The following LINGO2 variants were observed in gnomAD, a reference collection of about 807,000 sequenced individuals.
LINGO2 encodes the protein leucine-rich repeat and immunoglobulin-like domain-containing nogo receptor-interacting protein 2.
LINGO2 carries 14 observed loss-of-function variants against 30.6 expected under a neutral mutation model. That is an observed-to-expected ratio of 0.46 (90% CI 0.30 to 0.72). The LOEUF is 0.72. LINGO2 is among the 30% of genes least tolerant of loss of function. LINGO2 has a pLI of 0.07. For synonymous variants in LINGO2, 317 were observed against 288.5 expected (o/e 1.10, Z -1.00); for missense variants, 729 against 751.7 (o/e 0.97, Z 0.35).
intron 4 of LINGO2, among the ~76,000 whole-genome samples, chr9:28,206,154 G>C (rs1328739601): frequency 1.9e-5 from 2 of 107,598 alleles, no homozygotes; most frequent in Admixed American, 1.3e-4. Context: ...GACAGAGTGA[G>C]ACCCTGTTTC....
At chr9:28,270,652 C>G (rs73429581) in intron 4 of LINGO2, among the ~76,000 whole-genome samples, 1 of 152,050 alleles carries the variant, frequency 6.6e-6, no homozygotes, top group East Asian at 1.9e-4. Flanking sequence ...CTGCAGATCA[C>G]GACTGAATAT....
At chr9:29,053,428 G>A in the LINGO2 span, among the ~76,000 whole-genome samples, 5 of 152,128 alleles carry the variant, frequency 3.3e-5, no homozygotes, top group African/African-American at 9.7e-5. Flanking sequence ...GGGGGAAGGG[G>A]GAGGGATAGC....
intron 3 of LINGO2, among the ~76,000 whole-genome samples, chr9:28,350,645 C>T (rs1175805498): frequency 5.3e-5 from 8 of 151,286 alleles, no homozygotes; most frequent in South Asian, 2.1e-4. Flanking sequence ...CTGCACCAAG[C>T]GGACCTAATA....
At chr9:29,119,281 A>T in the LINGO2 span, among the ~76,000 whole-genome samples, 4 of 152,188 alleles carry the variant, frequency 2.6e-5, no homozygotes, top group African/African-American at 9.7e-5. Flanking sequence ...AATTATTTGC[A>T]AACCATATAT....
intron 1 of LINGO2, among the ~76,000 whole-genome samples, chr9:28,616,888 C>A (rs1826152561): frequency 6.6e-6 from 1 of 152,156 alleles, no homozygotes; most frequent in Non-Finnish European, 1.5e-5. Context: ...AAAGCACATC[C>A]AAAAGACTCT....
the LINGO2 span, among the ~76,000 whole-genome samples, chr9:28,978,298 A>G: frequency 6.6e-6 from 1 of 152,096 alleles, no homozygotes; most frequent in Non-Finnish European, 1.5e-5. Flanking sequence ...CCTGGGGTGG[A>G]GTGAGAACAA....
At chr9:28,299,390 G>C (rs1255851061) in intron 3 of LINGO2, among the ~76,000 whole-genome samples, 3 of 151,858 alleles carry the variant, frequency 2.0e-5, no homozygotes, top group Non-Finnish European at 4.4e-5. Context: ...TTTTCTGTCA[G>C]TAATTTTAGG....
chr9:27,985,912 G>C (rs905339933), intron 5 of LINGO2, among the ~76,000 whole-genome samples: 7 of 151,946 alleles, frequency 4.6e-5, no homozygotes, highest in Admixed American at 4.6e-4. Flanking sequence ...CATTCTGATG[G>C]ACTGGAACTG....
chr9:28,551,985 T>G (rs2135505727), intron 1 of LINGO2, among the ~76,000 whole-genome samples: 1 of 152,244 alleles, frequency 6.6e-6, no homozygotes, highest in Non-Finnish European at 1.5e-5. Flanking sequence ...CTTTTTATTT[T>G]TTCAGTTTAT....
chr9:29,069,494 T>G, the LINGO2 span, among the ~76,000 whole-genome samples: 1 of 152,020 alleles, frequency 6.6e-6, no homozygotes, highest in Admixed American at 6.6e-5. Flanking sequence ...AGAATATTTA[T>G]AGTACACATC....
At chr9:29,003,191 G>T in the LINGO2 span, among the ~76,000 whole-genome samples, 2 of 151,994 alleles carry the variant, frequency 1.3e-5, no homozygotes, top group Admixed American at 6.6e-5. Context: ...CAGACATCTA[G>T]CCTCCAGAAC....
the LINGO2 span, among the ~76,000 whole-genome samples, chr9:29,017,576 T>C: frequency 6.6e-6 from 1 of 152,056 alleles, no homozygotes; most frequent in Non-Finnish European, 1.5e-5. Context: ...ACAAGGTGGC[T>C]AGTAAACACT....
the LINGO2 span, among the ~76,000 whole-genome samples, chr9:28,684,178 T>TTTC: frequency 1.7e-4 from 11 of 63,048 alleles, no homozygotes; most frequent in Non-Finnish European, 2.6e-4. Context: ...TGTTTATCTT[T>TTTC]TTTTTTTTTT....
intron 4 of LINGO2, among the ~76,000 whole-genome samples, chr9:28,047,986 CTG>C (rs146072784): frequency 0.015 from 2,211 of 150,392 alleles, 141 homozygotes; most frequent in South Asian, 0.071. Context: ...AAAAGTGTGA[CTG>C]TAATAGAAAA....
chr9:28,780,828 TAATGTGTGTGTGTGTGTG>T, the LINGO2 span, among the ~76,000 whole-genome samples: 24 of 139,442 alleles, frequency 1.7e-4, no homozygotes, highest in South Asian at 4.9e-3. Flanking sequence ...ATCTTGGTAG[TAATGTGTGTGTGTGTGTG>T]TGTGTGTGTG....
chr9:29,028,608 A>T, the LINGO2 span, among the ~76,000 whole-genome samples: 1 of 152,284 alleles, frequency 6.6e-6, no homozygotes, highest in East Asian at 1.9e-4. Flanking sequence ...GCTTTGGCCA[A>T]TAAAATGTGG....
intron 4 of LINGO2, among the ~76,000 whole-genome samples, chr9:28,088,989 G>A (rs562389690): frequency 6.6e-6 from 1 of 152,278 alleles, no homozygotes; most frequent in South Asian, 2.1e-4. Context: ...TAATGGTAAA[G>A]GGATCAATTC....
chr9:28,800,848 T>A, the LINGO2 span, among the ~76,000 whole-genome samples: 2 of 152,122 alleles, frequency 1.3e-5, no homozygotes, highest in Non-Finnish European at 2.9e-5. Flanking sequence ...GGGGTTATAT[T>A]ACAATGAGTA....
intron 1 of LINGO2, among the ~76,000 whole-genome samples, chr9:28,610,661 A>T (rs1825877139): frequency 6.6e-6 from 1 of 152,150 alleles, no homozygotes; most frequent in Non-Finnish European, 1.5e-5. Context: ...TGATCTTAAG[A>T]CTTCCCATCC....
Sources: gnomAD v4.1 joint callset for allele counts (sites outside exome capture counted in the v4.1 genomes callset) on GRCh38, gnomAD v4.1.1 for gene constraint, MANE v1.5 for transcripts, NCBI Gene and HGNC (gene_info 2026-07-23, HGNC 2026-07-21) for gene names.